DOCK8: variants seen among roughly 807,000 people sequenced by gnomAD.
DOCK8 encodes dedicator of cytokinesis protein 8.
DOCK8 carries 141 observed loss-of-function variants against 245.6 expected under a neutral mutation model. The ratio of observed to expected loss-of-function variants is 0.57; its 90% CI spans 0.50 to 0.66. The LOEUF (loss-of-function observed/expected upper bound fraction) is 0.66. Among genes scored for constraint, DOCK8 ranks in the 30% least tolerant of loss-of-function variants. The probability of loss-of-function intolerance (pLI) is 0.00; values close to 1 mark genes in which losing one functional copy is unlikely to be tolerated. For missense variants in DOCK8, 2,965 were observed against 2,603.4 expected (o/e 1.14, Z -3.02); for synonymous variants, 1,168 against 970.2 (o/e 1.20, Z -3.79).
intron 1 of DOCK8, among the ~76,000 whole-genome samples, chr9:229,499 G>C (rs1197460000): frequency 6.6e-6 from 1 of 152,142 alleles, no homozygotes; most frequent in African/African-American, 2.4e-5. Flanking sequence ...AGAGCTGTCT[G>C]GTCCAGAGAT....
At chr9:417,650 T>C (rs1564039344) in intron 29 of DOCK8, among the ~76,000 whole-genome samples, 1 of 152,224 alleles carries the variant, frequency 6.6e-6, no homozygotes, top group African/African-American at 2.4e-5. Context: ...TTTTAAACAT[T>C]TGAAATATGA....
chr9:389,767 G>A (rs894155642), intron 23 of DOCK8, among the ~76,000 whole-genome samples: 4 of 152,128 alleles, frequency 2.6e-5, no homozygotes, highest in Non-Finnish European at 4.4e-5. Context: ...CGTAATCCCA[G>A]CACTTTGGGA....
At chr9:259,381 A>G (rs77457163) in intron 1 of DOCK8, among the ~76,000 whole-genome samples, 2,705 of 152,322 alleles carry the variant, frequency 0.018, 44 homozygotes, top group South Asian at 0.048. Context: ...TTTTAAGTAC[A>G]CTATTTAAAA....
At chr9:375,265 CCTCA>C (rs1006351365) in intron 18 of DOCK8, among the ~76,000 whole-genome samples, 9 of 152,254 alleles carry the variant, frequency 5.9e-5, no homozygotes, top group African/African-American at 2.2e-4. Flanking sequence ...TAGGCGAGGC[CCTCA>C]CTCAACACTG....
intron 43 of DOCK8, 26 bp from the exon 44 acceptor site, chr9:446,344 C>G: frequency 6.3e-7 from 1 of 1,594,270 alleles, no homozygotes; most frequent in Non-Finnish European, 8.6e-7. Flanking sequence ...AGCTCATCTT[C>G]TCCCTCCGTG....
chr9:446,434 C>A lies in DOCK8; in HGVS notation c.5645C>A (p.Thr1882Lys), dbSNP rs376529318. 1.2e-5 allele frequency: 20 copies of A among 1,614,096 alleles called. No individual in the cohort carries two copies. In the African/African-American group the frequency reaches 1.5e-4, roughly 12 times the overall value. ...GAGTATGAGATGAAAGACAGGGTCA[C>A]ATACTTTGAGAAGAATTTCAACCTC... is the stretch of plus-strand genomic sequence containing the variant. ...FDEYEMKDRV[T>K]YFEKNFNLRR... Residue 1882 changes from threonine (T) to lysine (K), a missense_variant, in exon 44 of 48, where the codon ACA becomes AAA. Thr to Lys is a moderately conservative substitution (Grantham distance 78, BLOSUM62 -1). Around this residue, in one of 3 missense-constraint regions of DOCK8, gnomAD observed 2,825 missense variants for 2,453.5 expected, o/e 1.15. Coordinates refer to ENST00000432829, the MANE Select transcript of DOCK8 (RefSeq NM_203447.4).
chr9:271,768 G>C, intron 2 of DOCK8, 39 bp downstream of exon 2: 1 of 1,418,534 alleles, frequency 7.0e-7, no homozygotes, highest in Non-Finnish European at 9.7e-7. Context: ...GATTGGTCAA[G>C]TGCAAAAGTG....
chr9:424,575 A>T (rs1459234477), intron 33 of DOCK8, among the ~76,000 whole-genome samples: 2 of 151,942 alleles, frequency 1.3e-5, no homozygotes, highest in Non-Finnish European at 2.9e-5. Flanking sequence ...ACAACTGCTT[A>T]CTTTTTGTAT....
chr9:409,373 C>G (rs530075611), intron 28 of DOCK8, among the ~76,000 whole-genome samples: 12 of 152,296 alleles, frequency 7.9e-5, no homozygotes. Context: ...TAATTCAAAA[C>G]ACAACCCATT....
chr9:439,764 AG>A (rs2057027557), intron 40 of DOCK8, among the ~76,000 whole-genome samples: 1 of 152,070 alleles, frequency 6.6e-6, no homozygotes, highest in Admixed American at 6.5e-5. Flanking sequence ...TTCCTCTCAG[AG>A]AGAAAAAAAT....
rs538733073 is a variant in DOCK8, at chr9:350,621, G to A, written c.1679+10300G>A. The stretch of plus-strand genomic sequence containing the variant: ...AATAACGAGCCAACCCACGGAGGAA[G>A]GAATTGATTGATGGCTGCTTCCTCT... On this transcript the variant is annotated intron_variant, in intron 14 of 47. Transcript: ENST00000432829. Among the ~76,000 whole-genome samples the A allele has an allele frequency of 2.7e-4, 41 of 152,310 alleles. 1 individual carries two copies. In the South Asian group the frequency reaches 8.5e-3, roughly 32 times the overall value.
Position 382,664 on chromosome 9 carries a change from G to A in DOCK8, c.2757G>A (p.Val919=), listed in dbSNP as rs374695584. 4.3e-6 allele frequency: 7 copies of A among 1,614,084 alleles called. No individual in the cohort carries two copies. The highest frequency in any genetic ancestry group is 2.7e-5 in the African/African-American group (2 of 74,948). The stretch of plus-strand genomic sequence containing the variant: ...CACACTCCGCAGCAGACGAGGAAGT[G>A]AAGAACATCATGTCTTCAAAGGTAG... ...AGTHSAADEE[V]KNIMSSKIAD... Residue 919 remains valine, a synonymous_variant, in exon 22 of 48, where the codon GTG becomes GTA. Coordinates refer to ENST00000432829, the MANE Select transcript of DOCK8 (RefSeq NM_203447.4).
At chr9:340,086 T>C (rs932926046) in intron 13 of DOCK8, 73 bp from the exon 14 acceptor site, 1 of 1,542,132 alleles carries the variant, frequency 6.5e-7, no homozygotes, top group African/African-American at 1.4e-5. Flanking sequence ...AGAAACACAG[T>C]GCAACAATCT....
chr9:286,186 G>A (rs1397824959), intron 2 of DOCK8, among the ~76,000 whole-genome samples: 2 of 152,108 alleles, frequency 1.3e-5, no homozygotes, highest in African/African-American at 4.8e-5. Flanking sequence ...ATCTCCTCAG[G>A]ATTCCTCATC....
At chr9:418,547 C>T (rs542418063) in intron 30 of DOCK8, among the ~76,000 whole-genome samples, 16 of 152,312 alleles carry the variant, frequency 1.1e-4, no homozygotes, top group African/African-American at 3.1e-4. Flanking sequence ...GGATTACAGG[C>T]GTGAGCCACT....
At chr9:437,331 T>A (rs940807082) in intron 39 of DOCK8, among the ~76,000 whole-genome samples, 8 of 152,130 alleles carry the variant, frequency 5.3e-5, no homozygotes, top group African/African-American at 1.7e-4. Context: ...ACAGTTTAGG[T>A]TTACATCTCT....
At chr9:412,043 A>G (rs2055754490) in intron 28 of DOCK8, among the ~76,000 whole-genome samples, 1 of 152,172 alleles carries the variant, frequency 6.6e-6, no homozygotes, top group Admixed American at 6.5e-5. Flanking sequence ...AAAAATGTCT[A>G]CCCTTGCCAC....
intron 39 of DOCK8, among the ~76,000 whole-genome samples, chr9:436,674 T>C (rs2056915038): frequency 6.6e-6 from 1 of 152,258 alleles, no homozygotes; most frequent in Non-Finnish European, 1.5e-5. Flanking sequence ...GAATCATTAT[T>C]ACACAATCAA....
intron 1 of DOCK8, among the ~76,000 whole-genome samples, chr9:252,366 A>G (rs2047670374): frequency 6.6e-6 from 1 of 152,272 alleles, no homozygotes; most frequent in East Asian, 1.9e-4. Context: ...AGCAGGGTTA[A>G]TTAATTTGCC....
Sources: allele counts gnomAD v4.1 joint callset (sites outside exome capture counted in the v4.1 genomes callset), GRCh38; gene constraint gnomAD v4.1.1; regional missense constraint gnomAD v4.1.1; transcripts MANE v1.5; gene names NCBI Gene and HGNC (gene_info 2026-07-23, HGNC 2026-07-21).